CAND2: variants seen among roughly 807,000 people sequenced by gnomAD.
CAND2 encodes cullin-associated NEDD8-dissociated protein 2.
In CAND2, 62 loss-of-function variants were observed where a neutral mutation model predicts 98.9. The observed-to-expected ratio is 0.63, with a 90% CI of 0.51 to 0.77. The LOEUF is 0.77. Ranked by LOEUF, CAND2 falls within the 30% of genes least tolerant of loss-of-function variation. The pLI, the probability that CAND2 is intolerant of heterozygous loss-of-function variation, is 0.00. For missense variants in CAND2, 1,501 were observed against 1,655.2 expected, an observed-to-expected ratio of 0.91 and a Z score of 1.62; for synonymous variants, 770 against 731.9, an observed-to-expected ratio of 1.05 and a Z score of -0.84.
chr3:12,804,614 C>T (rs143283145), intron 2 of CAND2, among the ~76,000 whole-genome samples: 8 of 152,272 alleles, frequency 5.3e-5, no homozygotes, highest in Non-Finnish European at 1.0e-4. Flanking sequence ...GTGCAGAGCA[C>T]GTGGGGATGC....
At chr3:12,804,682 G>T (rs951282835) in intron 2 of CAND2, among the ~76,000 whole-genome samples, 3 of 152,182 alleles carry the variant, frequency 2.0e-5, no homozygotes, top group African/African-American at 7.2e-5. Flanking sequence ...TAGGGCAGAG[G>T]TTGTCAAGCT....
Position 12,815,954 on chromosome 3 carries a change from C to T in CAND2, c.1387C>T (p.Leu463=). Residue 463 remains leucine (L), a synonymous_variant, in exon 9 of 15, where the codon CTG becomes TTG. Transcript: ENST00000456430. This position sits in a 1 kb window ranked among gnomAD's most constrained non-coding sequence, Gnocchi z 5.7. ...GGGATGCTTCAGCCTCCTCACCGAGCTGGCGGGTGTCCTCCCAGGCAGCCT... is the reference window on the plus strand; with the variant it reads ...GGGATGCTTCAGCCTCCTCACCGAGTTGGCGGGTGTCCTCCCAGGCAGCCT... The part of the protein sequence containing the change: ...RQGCFSLLTE[L]AGVLPGSLAE... 1 of 1,613,914 alleles carries T rather than the reference C, an allele frequency of 6.2e-7. No individual in the cohort carries two copies. Among genetic ancestry groups the T allele is most frequent in the Non-Finnish European group, 8.5e-7 (1 of 1,179,954 alleles).
chr3:12,830,871 A>G (rs1461501362), intron 13 of CAND2, among the ~76,000 whole-genome samples: 1 of 152,090 alleles, frequency 6.6e-6, no homozygotes, highest in Non-Finnish European at 1.5e-5. Flanking sequence ...CAGGGTGTGG[A>G]GATGGGTAGG....
chr3:12,806,446 G>T (rs934563105), intron 2 of CAND2, among the ~76,000 whole-genome samples: 1 of 152,206 alleles, frequency 6.6e-6, no homozygotes, highest in Non-Finnish European at 1.5e-5. Flanking sequence ...TGAGACTATA[G>T]CACCCTGGAA....
At chr3:12,821,102 C>T (rs2061953917) in intron 11 of CAND2, among the ~76,000 whole-genome samples, 1 of 152,080 alleles carries the variant, frequency 6.6e-6, no homozygotes, top group Admixed American at 6.6e-5. Flanking sequence ...GGTATGATGG[C>T]AGGCACCTGT....
chr3:12,832,221 T>A (rs961217197), intron 14 of CAND2: 1 of 152,260 alleles, frequency 6.6e-6, no homozygotes, highest in African/African-American at 2.4e-5. Flanking sequence ...AAATGAAATC[T>A]TCTGTGGATA....
rs1356591387 is a variant in CAND2 at position 12,831,554 on chromosome 3, G to A, written c.3465G>A (p.Arg1155=). The part of the protein sequence containing the change: ...QRVDRLIEPL[R]ATCTAKVKAG... ...TGGACCGACTCATTGAGCCACTAAG[G>A]GCCACCTGCACTGCCAAGGTAAGTC... is the stretch of plus-strand genomic sequence containing the variant. Residue 1155 remains arginine, a synonymous_variant, in exon 14 of 15, where the codon AGG becomes AGA. Coordinates refer to ENST00000456430, the MANE Select transcript of CAND2 (RefSeq NM_001162499.2). 3 of 1,612,962 alleles carry A rather than the reference G, an allele frequency of 1.9e-6. No homozygotes were observed. Among genetic ancestry groups the A allele is most frequent in the African/African-American group, 1.3e-5 (1 of 75,002 alleles).
At chr3:12,809,989 G>A in intron 4 of CAND2, 70 bp from the exon 5 acceptor site, 1 of 1,385,478 alleles carries the variant, frequency 7.2e-7, no homozygotes, top group African/African-American at 1.5e-5. Flanking sequence ...AGAGAATGGG[G>A]AGAGGGGCGG....
chr3:12,834,219 C>A lies in CAND2; in HGVS notation c.*237C>A. On this transcript the variant is annotated 3_prime_UTR_variant, in exon 15 of 15. Coordinates refer to ENST00000456430, the MANE Select transcript of CAND2 (RefSeq NM_001162499.2). ...CCTTCCTTAACTCAGGACAGTCATC[C>A]AAAGAAATAGGGTGAGGAAGTTTTC... 1 of 554,780 alleles carries A rather than the reference C, an allele frequency of 1.8e-6. No individual in the cohort carries two copies. The highest frequency in any genetic ancestry group is 3.2e-6 in the Non-Finnish European group (1 of 308,676). The allele number at this position is 554,780 out of a possible 1,614,324, so 34.4% of individuals were successfully genotyped here.
At position 12,831,416 on chromosome 3, in the gene CAND2, T is replaced by C. The variant is rs2062052858; in HGVS notation, c.3376-49T>C. 5 of 1,492,158 alleles carry C rather than the reference T, an allele frequency of 3.4e-6. No homozygotes were observed. The East Asian group carries it at 1.1e-4, about 34-fold the overall frequency. The allele number at this position is 1,492,158 out of a possible 1,614,324, so 92.4% of individuals were successfully genotyped here. A position where few individuals can be genotyped will look rare whatever the true frequency, so the allele number is the denominator to read the frequency against. On this transcript the variant is annotated intron_variant, in intron 13 of 14. Coordinates refer to ENST00000456430, the MANE Select transcript of CAND2 (RefSeq NM_001162499.2). ...GCTCTTTCCCAGGGCTGGCTGCTGCTCTTGCTCCTGCACCATTTCACTAAG... is the reference window on the plus strand; with the variant it reads ...GCTCTTTCCCAGGGCTGGCTGCTGCCCTTGCTCCTGCACCATTTCACTAAG...
At position 12,816,543 on chromosome 3, in the gene CAND2, T is replaced by C; in HGVS notation, c.1611T>C (p.Ile537=). The C allele has an allele frequency of 1.9e-6, 3 of 1,613,978 alleles. No individual in the cohort carries two copies. Among genetic ancestry groups the C allele is most frequent in the Non-Finnish European group, 2.5e-6 (3 of 1,180,010 alleles). ...GTGTGGCTGACTCTTTCTACAAGAT[T>C]GCAGCCGAGGCCCTGGTGGTGCTGC... ...MACVADSFYK[I]AAEALVVLQE... Residue 537 remains isoleucine (I), a synonymous_variant, in exon 10 of 15, where the codon ATT becomes ATC. Transcript: ENST00000456430.
Position 12,810,633 on chromosome 3 carries a change from G to A in CAND2, c.757+309G>A, listed in dbSNP as rs540544753. ...GAGTGCAGACGGTTCAGAGAAGGGG[G>A]TTGGTTCAATCACTTATGAGACGTG... On this transcript the variant is annotated intron_variant, in intron 5 of 14. Coordinates refer to ENST00000456430, the MANE Select transcript of CAND2 (RefSeq NM_001162499.2). Among the ~76,000 whole-genome samples, 7 of 152,368 alleles carry A rather than the reference G, an allele frequency of 4.6e-5. No individual in the cohort carries two copies. In the South Asian group the frequency reaches 1.4e-3, roughly 32 times the overall value.
chr3:12,830,134 C>T (rs2062041119), intron 13 of CAND2, among the ~76,000 whole-genome samples: 1 of 152,164 alleles, frequency 6.6e-6, no homozygotes, highest in Admixed American at 6.5e-5. Context: ...TCCTGCACTT[C>T]CTGTCTGCCT....
intron 12 of CAND2, 43 bp from the exon 13 acceptor site, chr3:12,827,397 T>C: frequency 6.3e-7 from 1 of 1,575,390 alleles, no homozygotes. Flanking sequence ...AGAGGTGTCC[T>C]TACACCCTGG....
chr3:12,817,715 A>C lies in CAND2; in HGVS notation c.2783A>C (p.Asp928Ala). ...GAGGCCCTGGGGGCCGCCCAGCCTG[A>C]CAGCCTGAAGCCCTACGCCGAGGAC... is the stretch of plus-strand genomic sequence containing the variant. The part of the protein sequence containing the change: ...LREALGAAQP[D>A]SLKPYAEDIW... The change falls in exon 10 of 15, where the codon GAC (aspartate) becomes GCC (alanine). Residue 928 changes from aspartate (D) to alanine (A), a missense_variant. Physicochemically the swap from Asp to Ala is moderately radical, Grantham distance 126. This residue lies in a region of CAND2 where 1,427 missense variants were observed against 1,545.3 expected (regional missense o/e 0.92). Transcript: ENST00000456430. 1 of 1,595,326 alleles carries C rather than the reference A, an allele frequency of 6.3e-7. No individual in the cohort carries two copies. Among genetic ancestry groups the C allele is most frequent in the African/African-American group, 1.3e-5 (1 of 74,624 alleles).
At chr3:12,820,001 G>T (rs1017950085) in intron 10 of CAND2, 85 bp from the exon 11 acceptor site, 2 of 1,041,688 alleles carry the variant, frequency 1.9e-6, no homozygotes, top group African/African-American at 3.1e-5. Flanking sequence ...AGGGAAGCAG[G>T]GGGAGGAGCC....
chr3:12,819,658 T>C (rs1325732010), intron 10 of CAND2, among the ~76,000 whole-genome samples: 1 of 152,206 alleles, frequency 6.6e-6, no homozygotes, highest in African/African-American at 2.4e-5. Context: ...ACTTAAACCC[T>C]CTGAGTCTCT....
In CAND2 at chr3:12,820,285, C is replaced by T. The variant is rs1282636668; in HGVS notation, c.3040+104C>T. On this transcript the variant is annotated intron_variant, in intron 11 of 14. Coordinates refer to ENST00000456430, the MANE Select transcript of CAND2 (RefSeq NM_001162499.2). ...CAATAGCCAAGGGCAATGGGAGACC[C>T]GGGAGGTGTGCCCATGATGGGCAGC... 36 of 816,194 alleles carry T rather than the reference C, an allele frequency of 4.4e-5. No individual in the cohort carries two copies. The Admixed American group carries it at 7.7e-4, about 17-fold the overall frequency. 50.6% of individuals were successfully genotyped at this position (816,194 alleles called of 1,614,324 possible). A position where few individuals can be genotyped will look rare whatever the true frequency, so the allele number is the denominator to read the frequency against.
Position 12,831,516 on chromosome 3 carries a change from G to A in CAND2, c.3427G>A (p.Val1143Ile). 1 of 1,614,068 alleles carries A rather than the reference G, an allele frequency of 6.2e-7. No homozygotes were observed. Among genetic ancestry groups the A allele is most frequent in the East Asian group, 2.2e-5 (1 of 44,882 alleles). ...GCTGGCCACCCTGTGTCCTGCACCT[G>A]TCCTGCAGAGGGTGGACCGACTCAT... ...ARLATLCPAP[V>I]LQRVDRLIEP... The change falls in exon 14 of 15, where the codon GTC becomes ATC. Residue 1143 changes from valine to isoleucine, a missense_variant. Around this residue, in one of 3 missense-constraint regions of CAND2, gnomAD observed 1,427 missense variants for 1,545.3 expected, o/e 0.92. Transcript: ENST00000456430.
Sources: allele counts gnomAD v4.1 joint callset (sites outside exome capture counted in the v4.1 genomes callset), GRCh38; gene constraint gnomAD v4.1.1; regional missense constraint gnomAD v4.1.1; non-coding constraint Gnocchi (gnomAD v3.1); transcripts MANE v1.5; gene names NCBI Gene and HGNC (gene_info 2026-07-23, HGNC 2026-07-21).